The following NUP98 variants were observed in gnomAD, a reference collection of about 807,000 sequenced individuals.
NUP98 encodes the protein nucleoporin 98 and 96 precursor, also known as nuclear pore complex protein Nup98-Nup96.
NUP98 carries 26 observed loss-of-function variants against 191.9 expected under a neutral mutation model. The observed-to-expected ratio is 0.14, with a 90% CI of 0.10 to 0.19. The LOEUF is 0.19. NUP98 is among the 10% of genes least tolerant of loss of function. NUP98 has a pLI of 1.00. For missense variants in NUP98, 1,941 were observed against 2,178.8 expected (o/e 0.89, Z 2.17); for synonymous variants, 808 against 778.4 (o/e 1.04, Z -0.63).
chr11:3,744,683 A>G (rs1374856379), intron 11 of NUP98, 34 bp from the exon 12 acceptor site: 5 of 1,580,548 alleles, frequency 3.2e-6, no homozygotes, highest in Admixed American at 1.9e-5. Context: ...AAAGCACCAC[A>G]GAAGATCCTT....
intron 8 of NUP98, among the ~76,000 whole-genome samples, chr11:3,765,281 A>C (rs2081299017): frequency 6.6e-6 from 1 of 152,138 alleles, no homozygotes; most frequent in African/African-American, 2.4e-5. Flanking sequence ...AGTGCACCAC[A>C]GCTTCTAACT....
At chr11:3,705,996 C>CAAA (rs66628165) in intron 21 of NUP98, among the ~76,000 whole-genome samples, 2 of 99,474 alleles carry the variant, frequency 2.0e-5, no homozygotes, top group Non-Finnish European at 4.1e-5. Flanking sequence ...ACTAAAAATA[C>CAAA]AAAAAAAAAA....
At chr11:3,741,735 T>C (rs2134355917) in intron 12 of NUP98, among the ~76,000 whole-genome samples, 1 of 152,132 alleles carries the variant, frequency 6.6e-6, no homozygotes, top group South Asian at 2.1e-4. Flanking sequence ...CAAAATGTAG[T>C]AAAATGTCAG....
intron 19 of NUP98, 80 bp from the exon 20 acceptor site, chr11:3,712,808 C>A (rs2079060084): frequency 7.0e-7 from 1 of 1,432,214 alleles, no homozygotes; most frequent in Non-Finnish European, 9.5e-7. Flanking sequence ...TGCAGCATTA[C>A]CTTAAGAAAA....
chr11:3,717,619 G>C (rs2079232680), intron 18 of NUP98, among the ~76,000 whole-genome samples: 1 of 152,152 alleles, frequency 6.6e-6, no homozygotes, highest in Admixed American at 6.5e-5. Flanking sequence ...TGTCATCAAA[G>C]AACAGAGATA....
chr11:3,693,854 T>C (rs1331128191), intron 26 of NUP98, among the ~76,000 whole-genome samples: 1 of 152,146 alleles, frequency 6.6e-6, no homozygotes, highest in African/African-American at 2.4e-5. Flanking sequence ...GATAATAATA[T>C]AAGAGGTAGG....
chr11:3,776,121 A>ATTT (rs777947710), intron 4 of NUP98, 100 bp from the exon 5 acceptor site: 5,585 of 536,086 alleles, frequency 0.01, 3 homozygotes, highest in Middle Eastern at 0.018. Flanking sequence ...ACAGTACTTC[A>ATTT]TTTTTTTTTT....
intron 10 of NUP98, among the ~76,000 whole-genome samples, chr11:3,759,485 G>A (rs778515850): frequency 1.3e-5 from 2 of 151,874 alleles, no homozygotes; most frequent in Non-Finnish European, 2.9e-5. Context: ...TATTCCCAGC[G>A]ACTCGGGAGG....
chr11:3,734,350 CAACAA>C (rs2079966477), intron 13 of NUP98, among the ~76,000 whole-genome samples: 2 of 152,234 alleles, frequency 1.3e-5, no homozygotes, highest in East Asian at 1.9e-4. Context: ...TTTCTTAAAA[CAACAA>C]AACAAAACAA....
At chr11:3,720,570 T>G (rs1433091900) in intron 17 of NUP98, 142 bp downstream of exon 17, 26 of 462,630 alleles carry the variant, frequency 5.6e-5, no homozygotes, top group Non-Finnish European at 9.8e-5. Flanking sequence ...TTTTGTTACT[T>G]ATCAATCAAA....
chr11:3,683,938 T>C (rs1411113666), intron 29 of NUP98, among the ~76,000 whole-genome samples: 1 of 152,056 alleles, frequency 6.6e-6, no homozygotes, highest in African/African-American at 2.4e-5. Context: ...CCAGGCACAG[T>C]GCCTCACGCC....
At chr11:3,727,720 T>C (rs1450905051) in intron 14 of NUP98, among the ~76,000 whole-genome samples, 1 of 152,042 alleles carries the variant, frequency 6.6e-6, no homozygotes, top group Non-Finnish European at 1.5e-5. Flanking sequence ...AACACGACTC[T>C]ACAGAAAATT....
intron 1 of NUP98, among the ~76,000 whole-genome samples, chr11:3,784,579 T>TAAAA (rs61334985): frequency 3.4e-5 from 3 of 89,368 alleles, no homozygotes; most frequent in African/African-American, 8.8e-5. Flanking sequence ...CTGTCTCTAT[T>TAAAA]AAAAACAAAA....
intron 12 of NUP98, among the ~76,000 whole-genome samples, chr11:3,736,431 A>C (rs1346466387): frequency 6.6e-6 from 1 of 152,198 alleles, no homozygotes; most frequent in African/African-American, 2.4e-5. Flanking sequence ...CGTGGCGAGC[A>C]GATCACTTGA....
intron 4 of NUP98, among the ~76,000 whole-genome samples, chr11:3,776,660 ATT>A (rs1324915623): frequency 7.1e-6 from 1 of 140,810 alleles, no homozygotes; most frequent in Non-Finnish European, 1.6e-5. Flanking sequence ...AATTTTTTGT[ATT>A]TTTTTTTTTT....
At chr11:3,678,075 A>G (rs1406353730) in intron 31 of NUP98, among the ~76,000 whole-genome samples, 1 of 150,476 alleles carries the variant, frequency 6.6e-6, no homozygotes, top group East Asian at 2.0e-4. Flanking sequence ...AAGCTGGGAG[A>G]TGCAGTGAGC....
intron 29 of NUP98, among the ~76,000 whole-genome samples, chr11:3,685,239 G>A (rs1564803481): frequency 6.7e-6 from 1 of 149,570 alleles, no homozygotes; most frequent in Non-Finnish European, 1.5e-5. Flanking sequence ...TCAAACCGCA[G>A]TGAAAAGGCA....
chr11:3,688,446 G>C (rs2078196021), intron 28 of NUP98, among the ~76,000 whole-genome samples: 1 of 151,118 alleles, frequency 6.6e-6, no homozygotes, highest in African/African-American at 2.4e-5. Flanking sequence ...ATAAAAACCA[G>C]TAAATTTTAG....
chr11:3,675,914 G>A lies in NUP98; in HGVS notation c.*245C>T, dbSNP rs952078411. 5.7e-6 allele frequency: 3 copies of A among 530,818 alleles called. No individual in the cohort carries two copies. The African/African-American group carries it at 5.7e-5, about 10-fold the overall frequency. The allele number at this position is 530,818 out of a possible 1,614,324, so 32.9% of individuals were successfully genotyped here. A position where few individuals can be genotyped will look rare whatever the true frequency, so the allele number is the denominator to read the frequency against. Reference sequence around the variant, plus strand: ...GAGCTTTATTGACCATTTTTTTAAAGGAAAAACACTGAATGATCTTGAGGA... The same window carrying A: ...GAGCTTTATTGACCATTTTTTTAAAAGAAAAACACTGAATGATCTTGAGGA... On this transcript the variant is annotated 3_prime_UTR_variant, in exon 33 of 33. Transcript: ENST00000324932.
Sources: allele counts gnomAD v4.1 joint callset (sites outside exome capture counted in the v4.1 genomes callset), GRCh38; gene constraint gnomAD v4.1.1; transcripts MANE v1.5; gene names NCBI Gene and HGNC (gene_info 2026-07-23, HGNC 2026-07-21).